Variants in ZNF385C observed in about 807,000 individuals in gnomAD.
ZNF385C encodes the protein zinc finger protein 385C.
A neutral mutation model predicts 35.4 loss-of-function variants in ZNF385C; 28 were observed. That is an observed-to-expected ratio of 0.79 (90% CI 0.59 to 1.08). The LOEUF is 1.08. Ranked by LOEUF, ZNF385C falls within the 50% of genes least tolerant of loss-of-function variation. The probability of loss-of-function intolerance (pLI) is 0.00; values close to 1 mark genes in which losing one functional copy is unlikely to be tolerated. For missense variants in ZNF385C, 605 were observed against 595.6 expected, an observed-to-expected ratio of 1.02 and a Z score of -0.16; for synonymous variants, 248 against 248.2, an observed-to-expected ratio of 1.00 and a Z score of 0.01.
intron 2 of ZNF385C, among the ~76,000 whole-genome samples, chr17:42,041,607 A>G (rs186675269): frequency 3.3e-5 from 5 of 152,280 alleles, no homozygotes; most frequent in Non-Finnish European, 7.4e-5. Context: ...GTGTTTTTCT[A>G]TAGCATCATC....
chr17:42,064,160 C>A (rs2053514418), intron 1 of ZNF385C, among the ~76,000 whole-genome samples: 1 of 152,036 alleles, frequency 6.6e-6, no homozygotes, highest in Admixed American at 6.6e-5. Flanking sequence ...CCTCCAGGCC[C>A]CCATCTCCCA....
At chr17:42,069,177 T>A (rs1410645859) in intron 1 of ZNF385C, among the ~76,000 whole-genome samples, 1 of 147,262 alleles carries the variant, frequency 6.8e-6, no homozygotes, top group Non-Finnish European at 1.5e-5. Context: ...GCCACCCACT[T>A]GGAGGCAGGC....
Position 42,050,996 on chromosome 17 carries a change from T to C in ZNF385C, c.250+11811A>G, listed in dbSNP as rs781843191. On this transcript the variant is annotated intron_variant, in intron 2 of 8. Coordinates refer to ENST00000692273, the MANE Select transcript of ZNF385C (RefSeq NM_001392013.1). This position sits in a 1 kb window ranked among gnomAD's most constrained non-coding sequence, Gnocchi z 5.6. ...GATCACGAAGGAGCGGGCGACCAGCTGAAGGTCTGCAGGGCGGGTCAATTA... is the reference window on the plus strand; with the variant it reads ...GATCACGAAGGAGCGGGCGACCAGCCGAAGGTCTGCAGGGCGGGTCAATTA... 6.6e-6 allele frequency among the ~76,000 whole-genome samples: 1 copy of C among 151,848 alleles called. No individual in the cohort carries two copies. Among genetic ancestry groups the C allele is most frequent in the Non-Finnish European group, 1.5e-5 (1 of 67,960 alleles).
intron 8 of ZNF385C, 64 bp downstream of exon 8, chr17:42,027,554 G>GGCCCCCCCCCCCCCCCCCACCC: frequency 1.8e-6 from 1 of 556,882 alleles, no homozygotes; most frequent in Non-Finnish European, 3.3e-6. Context: ...CCCCCATCTG[G>GGCCCCCCCCCCCCCCCCCACCC]CCCTCCCAGC....
intron 1 of ZNF385C, among the ~76,000 whole-genome samples, chr17:42,080,480 T>C (rs781820452): frequency 6.6e-6 from 1 of 152,098 alleles, no homozygotes; most frequent in Admixed American, 6.5e-5. Context: ...CTCCTCAATA[T>C]GAGAAACTAA....
At chr17:42,035,257 C>T (rs540075864) in intron 3 of ZNF385C, among the ~76,000 whole-genome samples, 1 of 152,068 alleles carries the variant, frequency 6.6e-6, no homozygotes, top group East Asian at 1.9e-4. Context: ...GCCAGAGTGC[C>T]CTGCATGTTT....
chr17:42,032,661 G>A (rs1347415103), intron 4 of ZNF385C, among the ~76,000 whole-genome samples: 6 of 151,846 alleles, frequency 4.0e-5, no homozygotes, highest in Admixed American at 6.6e-5. Flanking sequence ...CACTGTGCCC[G>A]GGGTCCGGCA....
intron 1 of ZNF385C, among the ~76,000 whole-genome samples, chr17:42,088,452 C>T (rs537316918): frequency 8.5e-5 from 13 of 152,278 alleles, no homozygotes; most frequent in Non-Finnish European, 1.6e-4. Context: ...GGAGCACCGC[C>T]GGACAAGCGC....
intron 2 of ZNF385C, among the ~76,000 whole-genome samples, chr17:42,047,383 C>G (rs749459744): frequency 6.6e-6 from 1 of 152,012 alleles, no homozygotes; most frequent in Non-Finnish European, 1.5e-5. Flanking sequence ...CCGTGTTGAC[C>G]AGGCTGATCT....
At chr17:42,075,675 T>A (rs1177382937) in intron 1 of ZNF385C, among the ~76,000 whole-genome samples, 5 of 152,048 alleles carry the variant, frequency 3.3e-5, no homozygotes, top group African/African-American at 4.8e-5. Flanking sequence ...TTTGTATTTT[T>A]AGTAGAGACA....
At chr17:42,045,593 AG>A (rs1450549658) in intron 2 of ZNF385C, among the ~76,000 whole-genome samples, 2 of 152,312 alleles carry the variant, frequency 1.3e-5, no homozygotes, top group African/African-American at 4.8e-5. Context: ...GCTCAATCAG[AG>A]TGACCTCCTG....
chr17:42,068,435 TA>T (rs146531483), intron 1 of ZNF385C, among the ~76,000 whole-genome samples: 7,964 of 152,318 alleles, frequency 0.052, 310 homozygotes, highest in African/African-American at 0.11. Context: ...CCCAGCTGCT[TA>T]CGTCACATCT....
intron 6 of ZNF385C, 105 bp downstream of exon 6, chr17:42,028,678 C>A (rs1225202996): frequency 1.4e-6 from 2 of 1,385,166 alleles, no homozygotes; most frequent in Non-Finnish European, 1.9e-6. Flanking sequence ...CCTCCGCCAT[C>A]CAACCCTTGA....
At chr17:42,093,976 A>T (rs2053890415) in intron 1 of ZNF385C, among the ~76,000 whole-genome samples, 1 of 142,678 alleles carries the variant, frequency 7.0e-6, no homozygotes, top group South Asian at 2.2e-4. Flanking sequence ...CCTGGGAGGC[A>T]TTATCACCTT....
chr17:42,035,077 C>T (rs2052819140), intron 3 of ZNF385C, among the ~76,000 whole-genome samples: 1 of 136,920 alleles, frequency 7.3e-6, no homozygotes, highest in African/African-American at 2.8e-5. Context: ...TGAGATTGCG[C>T]CACTGCACTC....
In ZNF385C at chr17:42,050,681, AGGGTCCCGGGCAGGG is replaced by A. The variant is rs1212836910; in HGVS notation, c.250+12111_250+12125del. 6.6e-6 allele frequency: 1 copy of A among 151,338 alleles called. No homozygotes were observed. Among genetic ancestry groups the A allele is most frequent in the Non-Finnish European group, 1.5e-5 (1 of 67,754 alleles). The allele number at this position is 151,338 out of a possible 1,614,324, so 9.4% of individuals were successfully genotyped here. On this transcript the variant is annotated intron_variant, in intron 2 of 8. Transcript: ENST00000692273. The surrounding 1 kb of genome is among the most constrained non-coding windows in gnomAD (Gnocchi z 5.6). ...GAGGCGCCAGCAGCCAGCGCCGGCC[AGGGTCCCGGGCAGGG>A]CGGGCGGCGCCCCCGGGGCTCACCT...
intron 3 of ZNF385C, among the ~76,000 whole-genome samples, chr17:42,034,743 C>T (rs1555655262): frequency 7.0e-6 from 1 of 143,644 alleles, no homozygotes; most frequent in Non-Finnish European, 1.5e-5. Context: ...GAGAGCAGGC[C>T]ATTACACTCC....
chr17:42,091,364 T>C (rs1449913480), intron 1 of ZNF385C, among the ~76,000 whole-genome samples: 4 of 152,144 alleles, frequency 2.6e-5, no homozygotes, highest in African/African-American at 9.6e-5. Flanking sequence ...GAGGATTGCT[T>C]GGGCCTGGGA....
chr17:42,055,966 G>A (rs368948407), intron 2 of ZNF385C, among the ~76,000 whole-genome samples: 12 of 152,214 alleles, frequency 7.9e-5, no homozygotes, highest in African/African-American at 2.7e-4. Flanking sequence ...GACATGTAGT[G>A]TAGCTGCAGC....
Sources: allele counts gnomAD v4.1 joint callset (sites outside exome capture counted in the v4.1 genomes callset), GRCh38; gene constraint gnomAD v4.1.1; non-coding constraint Gnocchi (gnomAD v3.1); transcripts MANE v1.5; gene names NCBI Gene and HGNC (gene_info 2026-07-23, HGNC 2026-07-21).